KIAA0825: variants seen among roughly 807,000 people sequenced by gnomAD.
The protein encoded by KIAA0825 is uncharacterized protein KIAA0825.
A neutral mutation model predicts 147.6 loss-of-function variants in KIAA0825; 119 were observed. That is an observed-to-expected ratio of 0.81 (90% CI 0.69 to 0.94). The LOEUF (loss-of-function observed/expected upper bound fraction) is 0.94. Among genes scored for constraint, KIAA0825 ranks in the 40% least tolerant of loss-of-function variants. KIAA0825 has a pLI of 0.00. For missense variants in KIAA0825, 1,381 were observed against 1,472.7 expected (o/e 0.94, Z 1.02); for synonymous variants, 470 against 518.1 (o/e 0.91, Z 1.26).
At chr5:94,385,962 G>T (rs1749082533) in intron 19 of KIAA0825, among the ~76,000 whole-genome samples, 1 of 152,176 alleles carries the variant, frequency 6.6e-6, no homozygotes, top group African/African-American at 2.4e-5. Context: ...TGGTTCTTCA[G>T]CTTCTGTAGA....
At chr5:94,455,667 A>C (rs1759011937) in intron 12 of KIAA0825, among the ~76,000 whole-genome samples, 1 of 152,186 alleles carries the variant, frequency 6.6e-6, no homozygotes, top group South Asian at 2.1e-4. Context: ...GAAAAGAGAC[A>C]TATTGATCAG....
chr5:94,190,113 TTATATTGACTTTG>T (rs1191414391), intron 20 of KIAA0825, among the ~76,000 whole-genome samples: 2 of 152,222 alleles, frequency 1.3e-5, no homozygotes, highest in African/African-American at 4.8e-5. Context: ...ATACCAGTTT[TTATATTGACTTTG>T]TATCCTGCAA....
intron 20 of KIAA0825, among the ~76,000 whole-genome samples, chr5:94,185,123 C>T (rs1770007616): frequency 6.6e-6 from 1 of 152,112 alleles, no homozygotes; most frequent in African/African-American, 2.4e-5. Flanking sequence ...CCCCAATGCA[C>T]CAGTTTCTAC....
intron 15 of KIAA0825, among the ~76,000 whole-genome samples, chr5:94,409,074 T>C (rs1752438680): frequency 6.6e-6 from 1 of 152,194 alleles, no homozygotes; most frequent in African/African-American, 2.4e-5. Flanking sequence ...AATAGTACAC[T>C]GAGAGTCCTT....
At chr5:94,613,405 G>A (rs747147045) in intron 1 of KIAA0825, among the ~76,000 whole-genome samples, 1 of 152,058 alleles carries the variant, frequency 6.6e-6, no homozygotes, top group Non-Finnish European at 1.5e-5. Flanking sequence ...TACCATGTAG[G>A]TCAGGCTGGT....
At chr5:94,316,980 T>C (rs748954179) in intron 20 of KIAA0825, among the ~76,000 whole-genome samples, 3 of 151,834 alleles carry the variant, frequency 2.0e-5, no homozygotes, top group Non-Finnish European at 4.4e-5. Flanking sequence ...TGACTCCTGA[T>C]GACAAGTGAT....
At chr5:94,289,112 C>CT (rs1777776859) in intron 20 of KIAA0825, among the ~76,000 whole-genome samples, 1 of 152,162 alleles carries the variant, frequency 6.6e-6, no homozygotes, top group Non-Finnish European at 1.5e-5. Flanking sequence ...AAAGGTCATT[C>CT]ATTGGCTGAG....
chr5:94,287,874 G>C (rs925034063), intron 20 of KIAA0825, among the ~76,000 whole-genome samples: 2 of 152,094 alleles, frequency 1.3e-5, no homozygotes, highest in African/African-American at 4.8e-5. Context: ...GTGCTCCCAG[G>C]GCTACTACCT....
intron 20 of KIAA0825, among the ~76,000 whole-genome samples, chr5:94,284,234 A>C (rs1300276496): frequency 1.3e-5 from 2 of 152,038 alleles, no homozygotes; most frequent in Non-Finnish European, 2.9e-5. Flanking sequence ...GTTTCCCAAT[A>C]CCTAATTATA....
intron 13 of KIAA0825, among the ~76,000 whole-genome samples, chr5:94,447,768 A>G (rs1364687109): frequency 6.6e-6 from 1 of 152,180 alleles, no homozygotes; most frequent in African/African-American, 2.4e-5. Context: ...ATGTATATAA[A>G]TACAAAACAG....
At position 94,328,004 on chromosome 5, in the gene KIAA0825, C is replaced by CA. The variant is rs559939410; in HGVS notation, c.3710+56363dup. Among the ~76,000 whole-genome samples the CA allele has an allele frequency of 5.5e-4, 82 of 149,652 alleles. 1 individual carries two copies. In the South Asian group the frequency reaches 7.4e-3, roughly 13 times the overall value. Reference sequence around the variant, plus strand: ...CTGGTGACAGAGCTAGACTCCGTCTCAAAAAAAAAGAACTCATGTTTTCTA... The same window carrying CA: ...CTGGTGACAGAGCTAGACTCCGTCTCAAAAAAAAAAGAACTCATGTTTTCTA... On this transcript the variant is annotated intron_variant, in intron 20 of 20. Coordinates refer to ENST00000682413, the MANE Select transcript of KIAA0825 (RefSeq NM_001145678.3).
chr5:94,298,741 G>C (rs993259830), intron 20 of KIAA0825, among the ~76,000 whole-genome samples: 2 of 152,124 alleles, frequency 1.3e-5, no homozygotes, highest in Non-Finnish European at 2.9e-5. Context: ...AGATTCCTTC[G>C]AGTAGTTTAG....
intron 16 of KIAA0825, among the ~76,000 whole-genome samples, chr5:94,401,479 A>G (rs1434770142): frequency 6.6e-6 from 1 of 152,262 alleles, no homozygotes; most frequent in African/African-American, 2.4e-5. Context: ...TCTGTAATAC[A>G]AAGGACAACT....
intron 20 of KIAA0825, among the ~76,000 whole-genome samples, chr5:94,177,140 A>G (rs944004841): frequency 6.6e-6 from 1 of 152,148 alleles, no homozygotes; most frequent in Non-Finnish European, 1.5e-5. Flanking sequence ...ACTTTAACCA[A>G]TGTTACAATA....
At chr5:94,377,006 G>T (rs999929300) in intron 20 of KIAA0825, among the ~76,000 whole-genome samples, 191 of 151,970 alleles carry the variant, frequency 1.3e-3, no homozygotes, top group African/African-American at 4.2e-3. Flanking sequence ...TCAGGCCAGA[G>T]ACAATATTTT....
chr5:94,249,448 T>C (rs1775822413), intron 20 of KIAA0825, among the ~76,000 whole-genome samples: 3 of 152,102 alleles, frequency 2.0e-5, no homozygotes, highest in South Asian at 4.1e-4. Flanking sequence ...GCAAGACCAA[T>C]GTGAGGCCTC....
chr5:94,219,231 A>G (rs1020834213), intron 20 of KIAA0825, among the ~76,000 whole-genome samples: 1 of 152,172 alleles, frequency 6.6e-6, no homozygotes, highest in Non-Finnish European at 1.5e-5. Context: ...AGATCATCAG[A>G]TATTAGATTC....
Position 94,392,784 on chromosome 5 carries a change from C to T in KIAA0825, c.3297-1090G>A, listed in dbSNP as rs529965879. On this transcript the variant is annotated intron_variant, in intron 17 of 20. Transcript: ENST00000682413. Reference sequence around the variant, plus strand: ...CTGCTGGACATTAACTTTGATATTGCTTCCACATGTATCTTCAAAACATCC... The same window carrying T: ...CTGCTGGACATTAACTTTGATATTGTTTCCACATGTATCTTCAAAACATCC... Among the ~76,000 whole-genome samples, 6 of 152,276 alleles carry T rather than the reference C, an allele frequency of 3.9e-5. No individual in the cohort carries two copies. In the East Asian group the frequency reaches 7.7e-4, roughly 20 times the overall value.
At chr5:94,156,413 C>T (rs1320536823) in intron 20 of KIAA0825, among the ~76,000 whole-genome samples, 2 of 152,136 alleles carry the variant, frequency 1.3e-5, no homozygotes, top group African/African-American at 4.8e-5. Context: ...ATTAGATTTG[C>T]CTTTTTTCCT....
Sources: gnomAD v4.1 joint callset for allele counts (sites outside exome capture counted in the v4.1 genomes callset) on GRCh38, gnomAD v4.1.1 for gene constraint, MANE v1.5 for transcripts, NCBI Gene and HGNC (gene_info 2026-07-23, HGNC 2026-07-21) for gene names.